Variants in CSMD1 observed in about 807,000 individuals in gnomAD.
CSMD1 encodes the protein CUB and Sushi multiple domains 1.
In CSMD1, 213 loss-of-function variants were observed where a neutral mutation model predicts 417.5. The observed-to-expected ratio is 0.51, with a 90% CI of 0.46 to 0.57. The LOEUF (loss-of-function observed/expected upper bound fraction) is 0.57. Among genes scored for constraint, CSMD1 ranks in the 20% least tolerant of loss-of-function variants. The pLI is 0.00. For missense variants in CSMD1, 6,923 were observed against 4,529.7 expected, an observed-to-expected ratio of 1.53 and a Z score of -15.17; for synonymous variants, 2,862 against 1,736.8, an observed-to-expected ratio of 1.65 and a Z score of -16.11.
intron 15 of CSMD1, among the ~76,000 whole-genome samples, chr8:3,402,020 A>T (rs1014953807): frequency 6.6e-6 from 1 of 151,926 alleles, no homozygotes; most frequent in Non-Finnish European, 1.5e-5. Context: ...TCTAAAATAC[A>T]CACACACACA....
chr8:4,434,228 A>T (rs1406481805), intron 2 of CSMD1, among the ~76,000 whole-genome samples: 1 of 152,032 alleles, frequency 6.6e-6, no homozygotes, highest in Non-Finnish European at 1.5e-5. Context: ...ATCCCAGCTA[A>T]TTCCATAGGG....
At chr8:3,931,178 T>C (rs1165744412) in intron 5 of CSMD1, among the ~76,000 whole-genome samples, 1 of 150,716 alleles carries the variant, frequency 6.6e-6, no homozygotes, top group Admixed American at 6.6e-5. Flanking sequence ...TAAAGCATCT[T>C]CCCCTCATAT....
At chr8:4,455,100 C>A (rs946443973) in intron 2 of CSMD1, among the ~76,000 whole-genome samples, 3 of 152,052 alleles carry the variant, frequency 2.0e-5, no homozygotes, top group Non-Finnish European at 4.4e-5. Flanking sequence ...TTCTTAAGGT[C>A]TGACACGTAA....
intron 1 of CSMD1, among the ~76,000 whole-genome samples, chr8:4,843,963 G>C (rs1563567119): frequency 6.6e-6 from 1 of 152,150 alleles, no homozygotes; most frequent in African/African-American, 2.4e-5. Flanking sequence ...CGGAAAGTGT[G>C]TTTCTCATGA....
At chr8:4,428,615 T>G (rs1797696774) in intron 2 of CSMD1, among the ~76,000 whole-genome samples, 1 of 152,178 alleles carries the variant, frequency 6.6e-6, no homozygotes, top group Admixed American at 6.6e-5. Context: ...GTGCTCAAGT[T>G]CCTTTAGGAA....
intron 23 of CSMD1, among the ~76,000 whole-genome samples, chr8:3,309,017 C>A (rs1165136094): frequency 2.0e-5 from 3 of 152,142 alleles, no homozygotes. Context: ...AGCCACTGCG[C>A]CCGGCCCCTC....
chr8:3,008,626 A>G (rs539288219), intron 52 of CSMD1, among the ~76,000 whole-genome samples: 4 of 152,304 alleles, frequency 2.6e-5, no homozygotes, highest in African/African-American at 9.6e-5. Context: ...GAACTCCAGC[A>G]TGCCCCCCTG....
intron 26 of CSMD1, among the ~76,000 whole-genome samples, chr8:3,270,993 A>T (rs998402272): frequency 2.0e-5 from 3 of 151,798 alleles, no homozygotes; most frequent in Non-Finnish European, 4.4e-5. Context: ...TTAGTTACAT[A>T]TGTATACATG....
chr8:4,866,102 C>G (rs1295965893), intron 1 of CSMD1, among the ~76,000 whole-genome samples: 1 of 151,938 alleles, frequency 6.6e-6, no homozygotes, highest in East Asian at 1.9e-4. Flanking sequence ...AGTAATCCAA[C>G]TGCACTACTA....
intron 1 of CSMD1, among the ~76,000 whole-genome samples, chr8:4,721,130 T>C (rs1384649845): frequency 6.6e-6 from 1 of 152,166 alleles, no homozygotes; most frequent in East Asian, 1.9e-4. Flanking sequence ...CAAATGCAAC[T>C]CGGCAATAAA....
intron 5 of CSMD1, among the ~76,000 whole-genome samples, chr8:3,894,947 T>C (rs913004852): frequency 6.6e-6 from 1 of 152,192 alleles, no homozygotes; most frequent in African/African-American, 2.4e-5. Context: ...CAATTTCCAA[T>C]ATGATGAATA....
At chr8:4,485,850 A>G (rs1482267585) in intron 2 of CSMD1, among the ~76,000 whole-genome samples, 1 of 152,044 alleles carries the variant, frequency 6.6e-6, no homozygotes, top group Non-Finnish European at 1.5e-5. Flanking sequence ...GCAAATGTCA[A>G]AAACCCCATT....
At chr8:4,956,885 C>T (rs1809151451) in intron 1 of CSMD1, among the ~76,000 whole-genome samples, 1 of 152,168 alleles carries the variant, frequency 6.6e-6, no homozygotes, top group African/African-American at 2.4e-5. Context: ...CACCAAGCGG[C>T]AATCCCCAAC....
At chr8:4,449,295 G>A (rs1259421566) in intron 2 of CSMD1, among the ~76,000 whole-genome samples, 3 of 152,102 alleles carry the variant, frequency 2.0e-5, no homozygotes, top group Admixed American at 6.5e-5. Flanking sequence ...GTTTTACCAG[G>A]AGCAGATGAA....
chr8:4,412,383 A>G (rs2128935366), intron 3 of CSMD1, among the ~76,000 whole-genome samples: 1 of 152,238 alleles, frequency 6.6e-6, no homozygotes, highest in Non-Finnish European at 1.5e-5. Flanking sequence ...TTGCTTCCGC[A>G]TTTGCCATGT....
At chr8:3,519,692 T>C (rs1036000531) in intron 10 of CSMD1, among the ~76,000 whole-genome samples, 1 of 152,202 alleles carries the variant, frequency 6.6e-6, no homozygotes, top group Non-Finnish European at 1.5e-5. Context: ...TTCATTAATT[T>C]AATGAATAAA....
At chr8:4,299,518 C>T (rs773967088) in intron 3 of CSMD1, among the ~76,000 whole-genome samples, 1 of 152,188 alleles carries the variant, frequency 6.6e-6, no homozygotes, top group Admixed American at 6.5e-5. Context: ...CTTGTAAGTG[C>T]TGAGTATATT....
chr8:3,785,063 T>G lies in CSMD1; in HGVS notation c.819-31021A>C, dbSNP rs533956613. 1.9e-4 allele frequency among the ~76,000 whole-genome samples: 29 copies of G among 152,284 alleles called. No homozygotes were observed. The South Asian group carries it at 6.0e-3, about 32-fold the overall frequency. ...ATAGAAAAACTGCCCATCTCACCCC[T>G]CAATAGCATAGTGGACTTTGGGTCA... On this transcript the variant is annotated intron_variant, in intron 5 of 69. Transcript: ENST00000635120.
rs1275199477 is a variant in CSMD1 at position 3,000,114 on chromosome 8, G to C, written c.8047C>G (p.Pro2683Ala). ...TRCLAGHCGSPDPIVNGHISG... is the reference protein window; with the variant it reads ...TRCLAGHCGSADPIVNGHISG... ...ATGTGACCGTTCACAATCGGGTCTG[G>C]GGAACCGCAGTGGCCAGCTAAAAAT... Residue 2683 changes from proline (P) to alanine (A), a missense_variant, in exon 53 of 70, where the codon CCA becomes GCA. Coordinates refer to ENST00000635120, the MANE Select transcript of CSMD1 (RefSeq NM_033225.6). 7 of 1,553,444 alleles carry C rather than the reference G, an allele frequency of 4.5e-6. No homozygotes were observed. Among genetic ancestry groups the C allele is most frequent in the Non-Finnish European group, 6.1e-6 (7 of 1,147,654 alleles).
Sources: gnomAD v4.1 joint callset for allele counts (sites outside exome capture counted in the v4.1 genomes callset) on GRCh38, gnomAD v4.1.1 for gene constraint, MANE v1.5 for transcripts, NCBI Gene and HGNC (gene_info 2026-07-23, HGNC 2026-07-21) for gene names.